The following PDE4DIP variants were observed in gnomAD, a reference collection of about 807,000 sequenced individuals.
PDE4DIP encodes myomegalin.
A neutral mutation model predicts 221.4 loss-of-function variants in PDE4DIP; 59 were observed. The observed-to-expected ratio is 0.27, with a 90% confidence interval of 0.22 to 0.33. The LOEUF (loss-of-function observed/expected upper bound fraction) is 0.33, where lower values mean the gene tolerates loss of function less well. Among genes scored for constraint, PDE4DIP ranks in the 10% least tolerant of loss-of-function variants. PDE4DIP has a pLI of 1.00. For synonymous variants in PDE4DIP, 404 were observed against 815.9 expected (o/e 0.50, Z 8.60); for missense variants, 1,036 against 2,154.2 (o/e 0.48, Z 10.28).
intron 21 of PDE4DIP, among the ~76,000 whole-genome samples, chr1:148,987,478 C>T (rs1171221869): frequency 6.6e-6 from 1 of 152,130 alleles, no homozygotes; most frequent in East Asian, 1.9e-4. Context: ...GAACGCATGG[C>T]AGTGTACCTG....
At chr1:148,976,850 C>T (rs1442146384) in intron 17 of PDE4DIP, among the ~76,000 whole-genome samples, 1 of 151,952 alleles carries the variant, frequency 6.6e-6, no homozygotes, top group African/African-American at 2.4e-5. Context: ...TTGTAAAGGC[C>T]GAGTCAAGAG....
At chr1:148,937,191 A>G (rs1449918944) in intron 4 of PDE4DIP, among the ~76,000 whole-genome samples, 4 of 152,148 alleles carry the variant, frequency 2.6e-5, no homozygotes, top group South Asian at 2.1e-4. Context: ...CTCCAGTATA[A>G]TCTTATTGGA....
chr1:148,953,067 T>C, intron 5 of PDE4DIP: 6 of 1,614,142 alleles, frequency 3.7e-6, no homozygotes, highest in Non-Finnish European at 5.1e-6. Flanking sequence ...ATTGCCAGTA[T>C]GTATCGGAAG....
chr1:148,996,482 A>G (rs1329533356), intron 22 of PDE4DIP, among the ~76,000 whole-genome samples: 1 of 152,216 alleles, frequency 6.6e-6, no homozygotes, highest in Non-Finnish European at 1.5e-5. Context: ...TTAGAGACAG[A>G]CATTCCCAGG....
intron 5 of PDE4DIP, among the ~76,000 whole-genome samples, chr1:148,956,763 CTTATT>C (rs1392769187): frequency 7.8e-6 from 1 of 128,090 alleles, no homozygotes; most frequent in Non-Finnish European, 1.6e-5. Context: ...TTATCCCACT[CTTATT>C]TTAGTTATGT....
chr1:149,031,540 A>T (rs1405957034), intron 43 of PDE4DIP, among the ~76,000 whole-genome samples: 13 of 151,398 alleles, frequency 8.6e-5, no homozygotes, highest in African/African-American at 3.2e-4. Context: ...AGGGCTTCCC[A>T]GCAAAATGTC....
exon 44 of PDE4DIP, chr1:149,032,399 G>C: frequency 2.1e-6 from 1 of 466,170 alleles, no homozygotes; most frequent in South Asian, 2.3e-5. Flanking sequence ...GGGGCACGTG[G>C]TCCCAATGCT....
intron 5 of PDE4DIP, among the ~76,000 whole-genome samples, chr1:148,950,379 T>C (rs587598889): frequency 6.6e-6 from 1 of 152,362 alleles, no homozygotes; most frequent in Admixed American, 6.5e-5. Context: ...TGGTTTTACT[T>C]GAACTGCTTT....
rs587687451 is a variant in PDE4DIP at position 148,927,518 on chromosome 1, A to G, written c.142-1679A>G. ...GAAACATGGGTTATGAAATGCCTTCACAAGTATGGTAGAAAATATGCTGCT... is the reference window on the plus strand; with the variant it reads ...GAAACATGGGTTATGAAATGCCTTCGCAAGTATGGTAGAAAATATGCTGCT... On this transcript the variant is annotated intron_variant, in intron 1 of 43. Transcript: ENST00000369354. 5.3e-5 allele frequency among the ~76,000 whole-genome samples: 8 copies of G among 152,146 alleles called. No homozygotes were observed. The Middle Eastern group carries it at 0.01, about 194-fold the overall frequency.
At chr1:148,886,054 T>C (rs1316119475), upstream of PDE4DIP, among the ~76,000 whole-genome samples, 1 of 28,624 alleles carries the variant, frequency 3.5e-5, no homozygotes, top group Non-Finnish European at 6.3e-5. Context: ...GGGAGGAGCA[T>C]GTTTACTGGG....
At chr1:148,953,866 G>C (rs200399247) in intron 5 of PDE4DIP, 200 of 1,610,540 alleles carry the variant, frequency 1.2e-4, no homozygotes, top group Non-Finnish European at 4.7e-5. Flanking sequence ...AGGAGCTGTG[G>C]GATGATCTCT....
chr1:149,009,694 C>T (rs782493110), exon 30 of PDE4DIP: 1 of 1,614,172 alleles, frequency 6.2e-7, no homozygotes, highest in South Asian at 1.1e-5. Context: ...CCAGCAGCAC[C>T]TCTTTCCTGT....
At chr1:148,824,431 T>C (rs1417986816) in intron 1 of PDE4DIP, among the ~76,000 whole-genome samples, 1 of 140,230 alleles carries the variant, frequency 7.1e-6, no homozygotes, top group Admixed American at 7.1e-5. Flanking sequence ...AATAATCTAA[T>C]CTCGGAAGCA....
At chr1:148,822,631 C>G (rs1430897107) in intron 1 of PDE4DIP, among the ~76,000 whole-genome samples, 6 of 146,646 alleles carry the variant, frequency 4.1e-5, no homozygotes, top group Non-Finnish European at 7.6e-5. Context: ...ATGAAGTTGC[C>G]TGTTCTCTTA....
At chr1:148,998,898 GC>G (rs2064964729) in intron 23 of PDE4DIP, among the ~76,000 whole-genome samples, 1 of 145,984 alleles carries the variant, frequency 6.9e-6, no homozygotes, top group Non-Finnish European at 1.5e-5. Context: ...CCGCCACCAC[GC>G]CCGTCTAATT....
At chr1:148,999,837 C>G (rs2065194743) in intron 23 of PDE4DIP, among the ~76,000 whole-genome samples, 1 of 152,044 alleles carries the variant, frequency 6.6e-6, no homozygotes, top group African/African-American at 2.4e-5. Context: ...CCTACAGAAT[C>G]ACTTATACTG....
Position 148,978,426 on chromosome 1 carries a change from G to A in PDE4DIP, c.2574+11G>A. The A allele has an allele frequency of 1.3e-6, 2 of 1,549,542 alleles. No individual in the cohort carries two copies. The highest frequency in any genetic ancestry group is 8.8e-7 in the Non-Finnish European group (1 of 1,136,558). On this transcript the variant is annotated intron_variant, in intron 19 of 43. Transcript: ENST00000369354. ...AACCGAAGACAACAGGTAAGTTACT[G>A]GAATATAAACCTTATTTATTTATTT...
intron 14 of PDE4DIP, among the ~76,000 whole-genome samples, chr1:148,971,660 T>C (rs2059244761): frequency 6.6e-6 from 1 of 151,810 alleles, no homozygotes; most frequent in Admixed American, 6.6e-5. Context: ...GTCACCATGC[T>C]ATCATTGGAT....
Position 148,954,056 on chromosome 1 carries a change from T to C in PDE4DIP, c.637-6598T>C, listed in dbSNP as rs2054465742. 8 of 638,718 alleles carry C rather than the reference T, an allele frequency of 1.3e-5. No individual in the cohort carries two copies. In the South Asian group the frequency reaches 1.7e-4, roughly 13 times the overall value. The allele number at this position is 638,718 out of a possible 1,614,324, so 39.6% of individuals were successfully genotyped here. A position where few individuals can be genotyped will look rare whatever the true frequency, so the allele number is the denominator to read the frequency against. On this transcript the variant is annotated intron_variant, in intron 5 of 43. Coordinates refer to ENST00000369354, the Ensembl canonical transcript of PDE4DIP. ...TTGCTGCACCTTTTGCTCTGTCTCA[T>C]TTAGTAAACGTGATTTGCACTCAGA...
Sources: allele counts gnomAD v4.1 joint callset (sites outside exome capture counted in the v4.1 genomes callset), GRCh38; gene constraint gnomAD v4.1.1; transcripts MANE v1.5; gene names NCBI Gene and HGNC (gene_info 2026-07-23, HGNC 2026-07-21).